Variants in CHRNA7 observed in about 807,000 individuals in gnomAD.
The protein encoded by CHRNA7 is cholinergic receptor nicotinic alpha 7 subunit.
In CHRNA7, 17 loss-of-function variants were observed where a neutral mutation model predicts 48.0. The observed-to-expected ratio is 0.35, with a 90% confidence interval of 0.24 to 0.53. The LOEUF (loss-of-function observed/expected upper bound fraction) is 0.53. Among genes scored for constraint, CHRNA7 ranks in the 20% least tolerant of loss-of-function variants. The pLI is 0.92. For synonymous variants in CHRNA7, 75 were observed against 242.3 expected (o/e 0.31, Z 6.41); for missense variants, 155 against 577.7 (o/e 0.27, Z 7.50).
intron 4 of CHRNA7, among the ~76,000 whole-genome samples, chr15:32,141,661 G>A (rs2051381211): frequency 6.6e-6 from 1 of 152,118 alleles, no homozygotes; most frequent in African/African-American, 2.4e-5. Context: ...TGGATTCCTA[G>A]GTATTTTATT....
intron 2 of CHRNA7, among the ~76,000 whole-genome samples, chr15:32,045,930 G>A (rs2141178189): frequency 6.8e-6 from 1 of 148,086 alleles, no homozygotes; most frequent in South Asian, 2.2e-4. Context: ...TTGGTTTTTT[G>A]TCCTTGGGAT....
chr15:32,054,473 G>A (rs2049750119), intron 2 of CHRNA7, among the ~76,000 whole-genome samples: 1 of 152,130 alleles, frequency 6.6e-6, no homozygotes. Context: ...AATTGTAGTA[G>A]AGTAGATATA....
intron 2 of CHRNA7, among the ~76,000 whole-genome samples, chr15:32,056,451 T>G (rs2049790132): frequency 6.6e-6 from 1 of 152,218 alleles, no homozygotes; most frequent in South Asian, 2.1e-4. Flanking sequence ...GTTAGTGGAA[T>G]TAATGCATGA....
chr15:32,124,190 G>A (rs867839619), intron 4 of CHRNA7, among the ~76,000 whole-genome samples: 1 of 151,984 alleles, frequency 6.6e-6, no homozygotes, highest in Non-Finnish European at 1.5e-5. Flanking sequence ...GAAATGAAAA[G>A]GATCGAAAAA....
At chr15:32,070,632 GT>G (rs201929678) in intron 2 of CHRNA7, among the ~76,000 whole-genome samples, 3 of 89,384 alleles carry the variant, frequency 3.4e-5, no homozygotes, top group East Asian at 3.5e-4. Context: ...TCTATTTTGA[GT>G]TTTTTTTGTG....
At chr15:32,095,964 A>G (rs139711898) in intron 2 of CHRNA7, among the ~76,000 whole-genome samples, 211 of 152,332 alleles carry the variant, frequency 1.4e-3, no homozygotes, top group African/African-American at 4.9e-3. Flanking sequence ...TAGCTGTGTG[A>G]CCTAGGGCCA....
chr15:32,047,079 G>C (rs35464425), intron 2 of CHRNA7, among the ~76,000 whole-genome samples: 32,309 of 137,402 alleles, frequency 0.24, 5,082 homozygotes, highest in East Asian at 0.57. Context: ...TAGCCTTGTA[G>C]TATATAGTTT....
chr15:32,041,035 G>T (rs1246715665), intron 2 of CHRNA7, among the ~76,000 whole-genome samples: 1 of 151,728 alleles, frequency 6.6e-6, no homozygotes, highest in Non-Finnish European at 1.5e-5. Flanking sequence ...TACCTTTTTG[G>T]TCCTCTAAAG....
intron 4 of CHRNA7, among the ~76,000 whole-genome samples, chr15:32,121,538 A>G (rs1326365647): frequency 6.6e-6 from 1 of 152,218 alleles, no homozygotes; most frequent in African/African-American, 2.4e-5. Context: ...AAGGGCACAA[A>G]GTGCATCTTG....
intron 2 of CHRNA7, among the ~76,000 whole-genome samples, chr15:32,084,088 C>G (rs1175389866): frequency 1.3e-5 from 2 of 152,016 alleles, no homozygotes; most frequent in Admixed American, 6.6e-5. Context: ...TTTCTGGACA[C>G]CAGTAATTTA....
rs1434615745 is a variant in CHRNA7, at chr15:32,030,615, C to T, written c.21C>T (p.Gly7=). 1.3e-6 allele frequency: 2 copies of T among 1,563,846 alleles called. No individual in the cohort carries two copies. Among genetic ancestry groups the T allele is most frequent in the Non-Finnish European group, 8.6e-7 (1 of 1,161,314 alleles). Residue 7 remains glycine (G), a synonymous_variant, in exon 1 of 10, where the codon GGC becomes GGT. Coordinates refer to ENST00000306901, the MANE Select transcript of CHRNA7 (RefSeq NM_000746.6). The part of the protein sequence containing the change: MRCSPG[G]VWLALAASLL... ...TCAACATGCGCTGCTCGCCGGGAGG[C>T]GTCTGGCTGGCGCTGGCCGCGTCGC...
rs34200550 is a variant in CHRNA7 at position 32,059,944 on chromosome 15, CAAAAAAAAAAAAAA to C, written c.195+28924_195+28937del. On this transcript the variant is annotated intron_variant, in intron 2 of 9. Coordinates refer to ENST00000306901, the MANE Select transcript of CHRNA7 (RefSeq NM_000746.6). ...ATCTCTGAAACGCCAAGTAGAAAAG[CAAAAAAAAAAAAAA>C]AAAAAAAAAAAAAAAAGTGTTTTCA... 2.4e-4 allele frequency among the ~76,000 whole-genome samples: 8 copies of C among 33,054 alleles called. No homozygotes were observed. The Admixed American group carries it at 2.6e-3, about 11-fold the overall frequency. The allele number at this position is 33,054 out of a possible 152,430, so 21.7% of individuals were successfully genotyped here.
chr15:32,147,006 T>A (rs866332493), intron 4 of CHRNA7, among the ~76,000 whole-genome samples: 1 of 152,196 alleles, frequency 6.6e-6, no homozygotes, highest in South Asian at 2.1e-4. Context: ...GGGATAGACA[T>A]GTAACACAAG....
At chr15:32,127,037 A>G (rs989540087) in intron 4 of CHRNA7, among the ~76,000 whole-genome samples, 4 of 152,204 alleles carry the variant, frequency 2.6e-5, no homozygotes, top group African/African-American at 9.7e-5. Flanking sequence ...CTCTTGCACT[A>G]TACCCTTATA....
intron 2 of CHRNA7, among the ~76,000 whole-genome samples, chr15:32,059,257 G>A (rs1046439291): frequency 6.6e-6 from 1 of 152,100 alleles, no homozygotes; most frequent in Non-Finnish European, 1.5e-5. Context: ...GCCCGCCTTG[G>A]CCTTCTGAAG....
chr15:32,043,202 A>G (rs1035111388), intron 2 of CHRNA7, among the ~76,000 whole-genome samples: 3 of 151,490 alleles, frequency 2.0e-5, no homozygotes, highest in Non-Finnish European at 4.4e-5. Context: ...AACTCTTACC[A>G]TCACTGCATA....
intron 2 of CHRNA7, among the ~76,000 whole-genome samples, chr15:32,052,434 A>G (rs2141190662): frequency 6.6e-6 from 1 of 152,274 alleles, no homozygotes; most frequent in South Asian, 2.1e-4. Flanking sequence ...TAAAGGGAGT[A>G]AGTTAGATGG....
chr15:32,125,297 A>G (rs2051046912), intron 4 of CHRNA7, among the ~76,000 whole-genome samples: 1 of 152,232 alleles, frequency 6.6e-6, no homozygotes, highest in African/African-American at 2.4e-5. Context: ...CAAAGAATCA[A>G]CCTGGTGCCC....
chr15:32,077,572 G>A (rs1030424519), intron 2 of CHRNA7, among the ~76,000 whole-genome samples: 2 of 152,134 alleles, frequency 1.3e-5, no homozygotes, highest in Admixed American at 1.3e-4. Context: ...ATTTTCATAT[G>A]TTGATCTGTA....
Sources: allele counts gnomAD v4.1 joint callset (sites outside exome capture counted in the v4.1 genomes callset), GRCh38; gene constraint gnomAD v4.1.1; transcripts MANE v1.5; gene names NCBI Gene and HGNC (gene_info 2026-07-23, HGNC 2026-07-21).